Variants in CEP350 observed in about 807,000 individuals in gnomAD.
CEP350 encodes centrosomal protein 350, also known as centrosome-associated protein 350.
A neutral mutation model predicts 331.8 loss-of-function variants in CEP350; 126 were observed. The ratio of observed to expected loss-of-function variants is 0.38; its 90% confidence interval spans 0.33 to 0.44. The LOEUF (loss-of-function observed/expected upper bound fraction) is 0.44, where lower values mean the gene tolerates loss of function less well. Ranked by LOEUF, CEP350 falls within the 20% of genes least tolerant of loss-of-function variation. CEP350 has a pLI of 1.00. For missense variants in CEP350, 3,406 were observed against 3,634.6 expected (o/e 0.94, Z 1.62); for synonymous variants, 1,200 against 1,259.5 (o/e 0.95, Z 1.00).
rs1208349496 is a variant in CEP350, at chr1:180,107,779, A to G, written c.9190-3218A>G. ...GAAATTGGGCCACATTCTATTTACT[A>G]CATTTCTCTATTCCACCAGCCTAAT... On this transcript the variant is annotated intron_variant, in intron 37 of 37. Transcript: ENST00000367607. 2.0e-5 allele frequency among the ~76,000 whole-genome samples: 3 copies of G among 152,122 alleles called. No individual in the cohort carries two copies. In the East Asian group the frequency reaches 5.8e-4, roughly 29 times the overall value.
In CEP350 at chr1:179,955,031, C is replaced by A; in HGVS notation, c.-125C>A. ...GAGGGCACCCGGTGCGTCCCCGGAG[C>A]GGGGAGGCCAGGCCGGGCAGCCCTG... On this transcript the variant is annotated 5_prime_UTR_variant, in exon 1 of 38. Coordinates refer to ENST00000367607, the MANE Select transcript of CEP350 (RefSeq NM_014810.5). 7.5e-7 allele frequency: 1 copy of A among 1,333,374 alleles called. No individual in the cohort carries two copies. Among genetic ancestry groups the A allele is most frequent in the Non-Finnish European group, 9.6e-7 (1 of 1,041,252 alleles). 82.6% of individuals were successfully genotyped at this position (1,333,374 alleles called of 1,614,324 possible).
chr1:180,105,872 C>T (rs1661113484), intron 37 of CEP350, among the ~76,000 whole-genome samples: 1 of 152,142 alleles, frequency 6.6e-6, no homozygotes, highest in Non-Finnish European at 1.5e-5. Context: ...TGTCCCTAAT[C>T]AATCTAACTA....
chr1:180,093,225 C>A lies in CEP350; in HGVS notation c.7120C>A (p.Pro2374Thr), dbSNP rs773432043. 7 of 1,601,668 alleles carry A rather than the reference C, an allele frequency of 4.4e-6. No homozygotes were observed. The highest frequency in any genetic ancestry group is 3.4e-5 in the South Asian group (3 of 89,212). Reference sequence around the variant, plus strand: ...ACATCTTTTTGCTCCTAAAGAGATACCATACTCTGAAGATTTTGAAGTGTC... The same window carrying A: ...ACATCTTTTTGCTCCTAAAGAGATAACATACTCTGAAGATTTTGAAGTGTC... ...SEHLFAPKEIPYSEDFEVSSF... is the reference protein window; with the variant it reads ...SEHLFAPKEITYSEDFEVSSF... The change falls in exon 34 of 38, where the codon CCA becomes ACA. Residue 2374 changes from proline (P) to threonine (T), a missense_variant. This residue lies in a region of CEP350 where 1,415 missense variants were observed against 1,512.3 expected (regional missense o/e 0.94). Coordinates refer to ENST00000367607, the MANE Select transcript of CEP350 (RefSeq NM_014810.5).
intron 28 of CEP350, among the ~76,000 whole-genome samples, chr1:180,075,514 A>G (rs1659163605): frequency 6.6e-6 from 1 of 152,066 alleles, no homozygotes; most frequent in African/African-American, 2.4e-5. Flanking sequence ...GGTTACAGAG[A>G]GCTATGATCA....
In CEP350 at chr1:180,054,458, C is replaced by CG. The variant is rs753874313; in HGVS notation, c.5220dup (p.Lys1741GlufsTer25). On this transcript the variant is annotated frameshift_variant, in exon 25 of 38. Coordinates refer to ENST00000367607, the MANE Select transcript of CEP350 (RefSeq NM_014810.5). LOFTEE classifies it high-confidence loss of function. ...AGAGGATGATAAAATGCCCCCGCTC[C>CG]GGAAGAAACAGCGTGGTTTGCTTTT... 1 of 1,602,066 alleles carries CG rather than the reference C, an allele frequency of 6.2e-7. No individual in the cohort carries two copies. Among genetic ancestry groups the CG allele is most frequent in the Non-Finnish European group, 8.5e-7 (1 of 1,174,092 alleles).
At chr1:180,008,615 A>G (rs1270946850) in intron 8 of CEP350, among the ~76,000 whole-genome samples, 5 of 152,252 alleles carry the variant, frequency 3.3e-5, no homozygotes, top group East Asian at 1.9e-4. Context: ...CATTCATTAT[A>G]CAAATATTAA....
intron 1 of CEP350, among the ~76,000 whole-genome samples, chr1:179,963,240 TA>T (rs1650763902): frequency 1.3e-5 from 2 of 152,078 alleles, no homozygotes; most frequent in Admixed American, 1.3e-4. Flanking sequence ...AGTTTGCAAA[TA>T]TTTTTTTCCC....
intron 26 of CEP350, among the ~76,000 whole-genome samples, 170 bp from the exon 27 acceptor site, chr1:180,064,945 C>A (rs1388018248): frequency 6.6e-6 from 1 of 151,994 alleles, no homozygotes; most frequent in African/African-American, 2.4e-5. Flanking sequence ...ATGAAATGTA[C>A]TAGTTTAACC....
rs372946044 is a variant in CEP350, at chr1:180,098,919, C to A, written c.9123C>A (p.His3041Gln). The change falls in exon 37 of 38, where the codon CAC becomes CAA. Residue 3041 changes from histidine (H) to glutamine (Q), a missense_variant. Transcript: ENST00000367607. ...KLFSLKKEPN[H>Q]KTDWQKMMKF... ...TCAGTCTTAAAAAGGAGCCAAACCA[C>A]AAAACAGATTGGCAGAAAATGATGA... 1 of 1,613,208 alleles carries A rather than the reference C, an allele frequency of 6.2e-7. No homozygotes were observed. The highest frequency in any genetic ancestry group is 8.5e-7 in the Non-Finnish European group (1 of 1,179,546).
chr1:180,102,879 C>T (rs866916958), intron 37 of CEP350, among the ~76,000 whole-genome samples: 3 of 152,166 alleles, frequency 2.0e-5, no homozygotes, highest in Admixed American at 6.5e-5. Flanking sequence ...TCATTGTCTG[C>T]GGTGAATACC....
chr1:180,109,658 C>T (rs1350842369), intron 37 of CEP350, among the ~76,000 whole-genome samples: 5 of 151,612 alleles, frequency 3.3e-5, no homozygotes, highest in Admixed American at 1.3e-4. Context: ...GTTTTTTAGA[C>T]GGAGTTTCAC....
chr1:180,001,486 T>C (rs879586770), intron 6 of CEP350, among the ~76,000 whole-genome samples: 2 of 152,166 alleles, frequency 1.3e-5, no homozygotes, highest in East Asian at 3.9e-4. Context: ...CTCAAACTCT[T>C]GGCCTCAAGT....
Position 180,062,112 on chromosome 1 carries a change from A to G in CEP350, c.5263-108A>G, listed in dbSNP as rs575397618. Reference sequence around the variant, plus strand: ...TCAGTATTACTACTTTTATTATAAAATACTATATGTATTTATTTTTAATAT... The same window carrying G: ...TCAGTATTACTACTTTTATTATAAAGTACTATATGTATTTATTTTTAATAT... On this transcript the variant is annotated intron_variant, in intron 25 of 37. Coordinates refer to ENST00000367607, the MANE Select transcript of CEP350 (RefSeq NM_014810.5). The G allele has an allele frequency of 5.6e-5, 57 of 1,011,458 alleles. No individual in the cohort carries two copies. The Admixed American group carries it at 1.7e-3, about 30-fold the overall frequency. The allele number at this position is 1,011,458 out of a possible 1,614,324, so 62.7% of individuals were successfully genotyped here.
At position 179,997,065 on chromosome 1, in the gene CEP350, G is replaced by A. The variant is rs757151936; in HGVS notation, c.908G>A (p.Gly303Asp). 6.2e-7 allele frequency: 1 copy of A among 1,613,996 alleles called. No homozygotes were observed. Among genetic ancestry groups the A allele is most frequent in the Admixed American group, 1.7e-5 (1 of 60,032 alleles). Residue 303 changes from glycine (G) to aspartate (D), a missense_variant, in exon 6 of 38, where the codon GGC becomes GAC. Physicochemically the swap from Gly to Asp is moderately conservative, Grantham distance 94. Transcript: ENST00000367607. ...CACTCAGAAGAAACAAATGGCCGGG[G>A]CCAGAAGCTGGGTCATATTGACCAT... Reference protein sequence around the residue: ...WEHSEETNGRGQKLGHIDHPV... With the variant: ...WEHSEETNGRDQKLGHIDHPV...
rs536612283 is a variant in CEP350, at chr1:180,089,270, T to C, written c.6426-1444T>C. Reference sequence around the variant, plus strand: ...AGAAGAATAGAAAACAGGAGACATATTTTAGGATAGTGAAGGATTAAAAAG... The same window carrying C: ...AGAAGAATAGAAAACAGGAGACATACTTTAGGATAGTGAAGGATTAAAAAG... On this transcript the variant is annotated intron_variant, in intron 32 of 37. Coordinates refer to ENST00000367607, the MANE Select transcript of CEP350 (RefSeq NM_014810.5). 4.6e-5 allele frequency among the ~76,000 whole-genome samples: 7 copies of C among 152,214 alleles called. No individual in the cohort carries two copies. The South Asian group carries it at 1.5e-3, about 32-fold the overall frequency.
At chr1:179,997,291 A>G in intron 6 of CEP350, 116 bp downstream of exon 6, 2 of 1,263,560 alleles carry the variant, frequency 1.6e-6, no homozygotes, top group East Asian at 2.3e-5. Context: ...TTGACTGCAT[A>G]AGCACTTAGG....
In CEP350 at chr1:179,955,065, CG is replaced by C; in HGVS notation, c.-87del. The stretch of plus-strand genomic sequence containing the variant: ...CAGGCCGGGCAGCCCTGGGGCCGGT[CG>C]GGGCGGCGTCACTGCACCCTCCGCC... On this transcript the variant is annotated 5_prime_UTR_variant, in exon 1 of 38. Transcript: ENST00000367607. 1 of 1,414,640 alleles carries C rather than the reference CG, an allele frequency of 7.1e-7. No homozygotes were observed. The highest frequency in any genetic ancestry group is 2.8e-5 in the Admixed American group (1 of 35,652). The allele number at this position is 1,414,640 out of a possible 1,614,324, so 87.6% of individuals were successfully genotyped here. A position where few individuals can be genotyped will look rare whatever the true frequency, so the allele number is the denominator to read the frequency against.
intron 7 of CEP350, 130 bp from the exon 8 acceptor site, chr1:180,006,324 G>A (rs1654251535): frequency 8.3e-6 from 5 of 604,486 alleles, no homozygotes; most frequent in Admixed American, 5.8e-5. Context: ...GGCCATAGAA[G>A]TAGCCTCAGT....
intron 25 of CEP350, among the ~76,000 whole-genome samples, chr1:180,061,626 T>G (rs1658236783): frequency 6.6e-6 from 1 of 152,264 alleles, no homozygotes; most frequent in Non-Finnish European, 1.5e-5. Flanking sequence ...GGAGAGATAT[T>G]GGTACAATGT....
Sources: gnomAD v4.1 joint callset for allele counts (sites outside exome capture counted in the v4.1 genomes callset) on GRCh38, gnomAD v4.1.1 for gene constraint, gnomAD v4.1.1 regional missense constraint, MANE v1.5 for transcripts, NCBI Gene and HGNC (gene_info 2026-07-23, HGNC 2026-07-21) for gene names.